The following PCNX2 variants were observed in gnomAD, a reference collection of about 807,000 sequenced individuals.
The protein encoded by PCNX2 is pecanex-like protein 2.
PCNX2 carries 168 observed loss-of-function variants against 223.8 expected under a neutral mutation model. The ratio of observed to expected loss-of-function variants is 0.75; its 90% CI spans 0.66 to 0.85. The LOEUF (loss-of-function observed/expected upper bound fraction) is 0.85, where lower values mean the gene tolerates loss of function less well. Among genes scored for constraint, PCNX2 ranks in the 40% least tolerant of loss-of-function variants. The pLI, the probability that PCNX2 is intolerant of heterozygous loss-of-function variation, is 0.00. For missense variants in PCNX2, 2,507 were observed against 2,675.5 expected, an observed-to-expected ratio of 0.94 and a Z score of 1.39; for synonymous variants, 1,006 against 1,052.6, an observed-to-expected ratio of 0.96 and a Z score of 0.86.
At chr1:233,135,303 C>CA in intron 20 of PCNX2, 113 bp from the exon 21 acceptor site, 1 of 1,156,468 alleles carries the variant, frequency 8.6e-7, no homozygotes, top group Non-Finnish European at 1.2e-6. Flanking sequence ...TTTACAGGCA[C>CA]AAAAAGCCAA....
At chr1:233,008,403 T>A (rs1670357931) in intron 28 of PCNX2, among the ~76,000 whole-genome samples, 2 of 152,222 alleles carry the variant, frequency 1.3e-5, no homozygotes, top group South Asian at 4.1e-4. Context: ...AGCTCCAAAC[T>A]GAAGCTTAAA....
In PCNX2 at chr1:232,986,540, C is replaced by T; in HGVS notation, c.5792G>A (p.Gly1931Asp). 2 of 1,517,210 alleles carry T rather than the reference C, an allele frequency of 1.3e-6. No individual in the cohort carries two copies. The highest frequency in any genetic ancestry group is 1.8e-6 in the Non-Finnish European group (2 of 1,133,206). 94.0% of individuals were successfully genotyped at this position (1,517,210 alleles called of 1,614,324 possible). Residue 1931 changes from glycine to aspartate, a missense_variant and splice_region_variant, in exon 33 of 34, where the codon GGC becomes GAC. Coordinates refer to ENST00000258229, the MANE Select transcript of PCNX2 (RefSeq NM_014801.4). ...VSSCEGTQRT[G>D]RRKGRSQSVQ... ...GGACTGGCTCCTGCCTTTCCTCCTG[C>T]CTTTAAAAGAAAGCAGAACACAGAG...
At chr1:233,270,090 A>G (rs1350057819) in intron 1 of PCNX2, among the ~76,000 whole-genome samples, 2 of 151,730 alleles carry the variant, frequency 1.3e-5, no homozygotes, top group Non-Finnish European at 2.9e-5. Context: ...TTCCTTTCAC[A>G]GGTAAATGTT....
chr1:233,296,502 T>C (rs531558946), upstream of PCNX2, among the ~76,000 whole-genome samples: 2 of 152,198 alleles, frequency 1.3e-5, no homozygotes, highest in Non-Finnish European at 2.9e-5. Flanking sequence ...GGACAAAAAA[T>C]TAATAATCTT....
chr1:233,174,611 G>C (rs922935461), intron 17 of PCNX2, among the ~76,000 whole-genome samples: 9 of 151,998 alleles, frequency 5.9e-5, no homozygotes, highest in African/African-American at 2.2e-4. Context: ...TTTAGGAAAA[G>C]ACTGTTTGAA....
chr1:233,040,839 CA>C (rs1410083164), intron 25 of PCNX2, among the ~76,000 whole-genome samples: 1 of 152,228 alleles, frequency 6.6e-6, no homozygotes, highest in Non-Finnish European at 1.5e-5. Flanking sequence ...GTCATTCCCA[CA>C]GTGATAACCT....
intron 21 of PCNX2, among the ~76,000 whole-genome samples, chr1:233,114,867 AG>A (rs1396169586): frequency 6.6e-6 from 1 of 152,182 alleles, no homozygotes; most frequent in African/African-American, 2.4e-5. Context: ...GTCTTAGGGA[AG>A]GGCCTACACT....
rs1462330088 is a variant in PCNX2, at chr1:233,258,159, C to T, written c.1703G>A (p.Gly568Glu). The change falls in exon 5 of 34, where the codon GGA becomes GAA. Residue 568 changes from glycine to glutamate, a missense_variant. Transcript: ENST00000258229. ...TSKSDLEAKE[G>E]QMPNESNFLE... ...GAAGTTGGACTCATTTGGCATTTGT[C>T]CTTCCTTAGCCTCTAGGTCAGATTT... 6.2e-7 allele frequency: 1 copy of T among 1,613,932 alleles called. No individual in the cohort carries two copies. Among genetic ancestry groups the T allele is most frequent in the East Asian group, 2.2e-5 (1 of 44,860 alleles).
chr1:233,136,776 A>C (rs1348946429), intron 20 of PCNX2, among the ~76,000 whole-genome samples: 1 of 151,486 alleles, frequency 6.6e-6, no homozygotes, highest in East Asian at 1.9e-4. Context: ...AAACCTAAAA[A>C]CCCCTGTGGA....
At chr1:233,302,659 T>TATATATATATATATAC in the PCNX2 span, among the ~76,000 whole-genome samples, 1 of 151,080 alleles carries the variant, frequency 6.6e-6, no homozygotes, top group Non-Finnish European at 1.5e-5. Flanking sequence ...TATATATATA[T>TATATATATATATATAC]ACAGTTAAAT....
chr1:232,995,168 C>CGG (rs146090137), intron 32 of PCNX2, among the ~76,000 whole-genome samples: 2 of 152,004 alleles, frequency 1.3e-5, no homozygotes, highest in African/African-American at 4.8e-5. Context: ...GTGAATACAC[C>CGG]GGGGGGCAGA....
At chr1:233,298,950 A>G (rs1459218068), upstream of PCNX2, among the ~76,000 whole-genome samples, 1 of 152,196 alleles carries the variant, frequency 6.6e-6, no homozygotes, top group East Asian at 1.9e-4. Flanking sequence ...GTTTCCTGGC[A>G]TCATTATAGC....
At chr1:233,271,549 T>C (rs897102162) in intron 1 of PCNX2, among the ~76,000 whole-genome samples, 5 of 152,212 alleles carry the variant, frequency 3.3e-5, no homozygotes, top group Non-Finnish European at 7.4e-5. Context: ...TGAAGTATAT[T>C]ACAGTTAATT....
chr1:233,036,833 G>C (rs1671473753), intron 25 of PCNX2, among the ~76,000 whole-genome samples: 1 of 152,142 alleles, frequency 6.6e-6, no homozygotes, highest in African/African-American at 2.4e-5. Flanking sequence ...AGGTAAAAAT[G>C]ATTTTATTTA....
chr1:233,132,397 T>C (rs1676556553), intron 21 of PCNX2, among the ~76,000 whole-genome samples: 1 of 152,184 alleles, frequency 6.6e-6, no homozygotes, highest in African/African-American at 2.4e-5. Context: ...TTTGGTGAGA[T>C]GCCCACTTCG....
chr1:233,141,746 T>A (rs546777009), intron 19 of PCNX2, among the ~76,000 whole-genome samples: 1 of 144,602 alleles, frequency 6.9e-6, no homozygotes. Flanking sequence ...TATATATATA[T>A]GGGTATATAT....
At chr1:233,134,964 A>T in intron 21 of PCNX2, 49 bp downstream of exon 21, 1 of 1,430,788 alleles carries the variant, frequency 7.0e-7, no homozygotes. Flanking sequence ...TTTGATAAGA[A>T]CAGCCCCCTT....
chr1:233,251,821 T>C (rs887945944), intron 7 of PCNX2, among the ~76,000 whole-genome samples: 9 of 152,234 alleles, frequency 5.9e-5, no homozygotes, highest in African/African-American at 1.9e-4. Flanking sequence ...CCCTTATCCG[T>C]TGAACTTTGA....
chr1:233,275,000 G>T (rs988914188), intron 1 of PCNX2, among the ~76,000 whole-genome samples: 1 of 152,176 alleles, frequency 6.6e-6, no homozygotes, highest in Non-Finnish European at 1.5e-5. Context: ...TGGAATTGTT[G>T]CAGCGTTTGA....
Sources: allele counts gnomAD v4.1 joint callset (sites outside exome capture counted in the v4.1 genomes callset), GRCh38; gene constraint gnomAD v4.1.1; transcripts MANE v1.5; gene names NCBI Gene and HGNC (gene_info 2026-07-23, HGNC 2026-07-21).